The following MAP3K15 variants were observed in gnomAD, a reference collection of about 807,000 sequenced individuals.
MAP3K15 encodes the protein MAPK/ERK kinase kinase 15.
A neutral mutation model predicts 99.5 loss-of-function variants in MAP3K15; 124 were observed. The ratio of observed to expected loss-of-function variants is 1.25; its 90% CI spans 1.08 to 1.45. The LOEUF (loss-of-function observed/expected upper bound fraction) is 1.45. Ranked by LOEUF, MAP3K15 falls within the 40% of genes most tolerant of loss-of-function variation. MAP3K15 has a pLI of 0.00. For missense variants in MAP3K15, 1,242 were observed against 1,079.7 expected, an observed-to-expected ratio of 1.15 and a Z score of -2.11; for synonymous variants, 494 against 439.6, an observed-to-expected ratio of 1.12 and a Z score of -1.55.
intron 1 of MAP3K15, among the ~76,000 whole-genome samples, chrX:19,514,038 C>T (rs765250473): frequency 9.0e-6 from 1 of 111,437 alleles, no homozygotes; most frequent in Admixed American, 9.6e-5. Context: ...GGTGGTGGCT[C>T]ACACTCCACC....
intron 18 of MAP3K15, among the ~76,000 whole-genome samples, chrX:19,386,587 C>A (rs1028619629): frequency 2.7e-5 from 3 of 111,442 alleles, no homozygotes; most frequent in Non-Finnish European, 5.7e-5. Context: ...TAGGTACCTA[C>A]ACCAGTGCAG....
chrX:19,502,485 C>T (rs2064447063), intron 1 of MAP3K15, among the ~76,000 whole-genome samples: 1 of 111,334 alleles, frequency 9.0e-6, no homozygotes, highest in Admixed American at 9.6e-5. Flanking sequence ...TTTTAAGTTT[C>T]CTAAGCCCTC....
intron 1 of MAP3K15, among the ~76,000 whole-genome samples, chrX:19,513,755 G>C (rs1040833764): frequency 4.5e-5 from 5 of 111,589 alleles, no homozygotes; most frequent in African/African-American, 1.6e-4. Context: ...TGAGGCACAA[G>C]GACTCCCAGG....
chrX:19,497,528 T>A, intron 1 of MAP3K15: 1 of 112,003 alleles, frequency 8.9e-6, no homozygotes, highest in Non-Finnish European at 1.9e-5. Flanking sequence ...TGAGAGCCAA[T>A]GACAATCATT....
intron 3 of MAP3K15, among the ~76,000 whole-genome samples, chrX:19,484,867 T>C (rs945027189): frequency 6.3e-5 from 7 of 111,784 alleles, no homozygotes; most frequent in Non-Finnish European, 1.3e-4. Flanking sequence ...TCTCATTTTA[T>C]TGCTGAGGAT....
Position 19,425,580 on chromosome X carries a change from T to C in MAP3K15, c.1390A>G (p.Lys464Glu), listed in dbSNP as rs1183943878. The C allele has an allele frequency of 8.3e-7, 1 of 1,199,545 alleles. No individual in the cohort carries two copies. Among genetic ancestry groups the C allele is most frequent in the Non-Finnish European group, 1.1e-6 (1 of 894,728 alleles). ...SVSMLAHDVG[K>E]AVQAAERLFK... ...AACCTCTCTGCTGCCTGGACGGCTT[T>C]CCCGACATCATGGGCCAGCATGCTG... The change falls in exon 9 of 29, where the codon AAA becomes GAA. Residue 464 changes from lysine (K) to glutamate (E), a missense_variant. Coordinates refer to ENST00000338883, the MANE Select transcript of MAP3K15 (RefSeq NM_001001671.4).
chrX:19,431,233 G>A (rs963309038), intron 7 of MAP3K15, among the ~76,000 whole-genome samples: 2 of 111,595 alleles, frequency 1.8e-5, no homozygotes, highest in African/African-American at 6.5e-5. Context: ...GTACCTGTGG[G>A]AAGAGTGTGA....
intron 9 of MAP3K15, among the ~76,000 whole-genome samples, 174 bp downstream of exon 9, chrX:19,425,357 A>T (rs952336736): frequency 3.6e-5 from 4 of 111,968 alleles, no homozygotes; most frequent in Admixed American, 9.5e-5. Flanking sequence ...TTCTGTGTGG[A>T]TCTGTCTTTC....
At chrX:19,396,552 T>G (rs2063568891) in intron 15 of MAP3K15, among the ~76,000 whole-genome samples, 1 of 112,429 alleles carries the variant, frequency 8.9e-6, no homozygotes, top group Non-Finnish European at 1.9e-5. Context: ...ATTTTCTTAT[T>G]GGTGAAATGA....
rs898263736 is a variant in MAP3K15, at chrX:19,360,138, A to C, written c.*611T>G. ...ACTTTTGTAATCATTCCAATTTTGT[A>C]ATCATTTCAAAGGCCACATAACTTA... On this transcript the variant is annotated 3_prime_UTR_variant, in exon 29 of 29. Transcript: ENST00000338883. 15 of 155,290 alleles carry C rather than the reference A, an allele frequency of 9.7e-5. No individual in the cohort carries two copies. The highest frequency in any genetic ancestry group is 4.7e-4 in the African/African-American group (15 of 31,823). The allele number at this position is 155,290 out of a possible 1,213,427, so 12.8% of individuals were successfully genotyped here. A position where few individuals can be genotyped will look rare whatever the true frequency, so the allele number is the denominator to read the frequency against.
At chrX:19,410,091 C>A (rs949248682) in intron 11 of MAP3K15, 118 bp from the exon 12 acceptor site, 4 of 517,827 alleles carry the variant, frequency 7.7e-6, no homozygotes, top group Non-Finnish European at 3.3e-6. Context: ...GATTTTTTTA[C>A]GGGTTACAGC....
At chrX:19,431,717 G>T in intron 6 of MAP3K15, 109 bp from the exon 7 acceptor site, 3 of 618,774 alleles carry the variant, frequency 4.8e-6, no homozygotes, top group South Asian at 3.5e-5. Flanking sequence ...AGGCCGAAGC[G>T]GGTAGATCAT....
At chrX:19,484,768 T>C (rs1468711301) in intron 3 of MAP3K15, among the ~76,000 whole-genome samples, 1 of 112,375 alleles carries the variant, frequency 8.9e-6, no homozygotes, top group African/African-American at 3.2e-5. Context: ...TAAATCCAGG[T>C]TACATCTTTT....
intron 6 of MAP3K15, among the ~76,000 whole-genome samples, chrX:19,444,383 C>G (rs1297770571): frequency 9.0e-6 from 1 of 111,604 alleles, no homozygotes; most frequent in Non-Finnish European, 1.9e-5. Flanking sequence ...GGAGAGTTTT[C>G]TCTCTACAGT....
rs185197108 is a variant in MAP3K15, at chrX:19,480,060, G to C, written c.525+6422C>G. On this transcript the variant is annotated intron_variant, in intron 3 of 28. Coordinates refer to ENST00000338883, the MANE Select transcript of MAP3K15 (RefSeq NM_001001671.4). ...AGTATCCAAAAGAATAAAATACACA[G>C]GAGTAAGTGTAACCAAGAAAGTGAA... Among the ~76,000 whole-genome samples the C allele has an allele frequency of 3.6e-5, 4 of 111,721 alleles. No individual in the cohort carries two copies. The Admixed American group carries it at 3.8e-4, about 11-fold the overall frequency.
At chrX:19,462,110 T>C (rs1248293314) in intron 4 of MAP3K15, among the ~76,000 whole-genome samples, 2 of 110,797 alleles carry the variant, frequency 1.8e-5, no homozygotes. Context: ...GTAAGCTAAA[T>C]TTAATAATAG....
At chrX:19,493,697 C>A (rs946111827) in intron 1 of MAP3K15, among the ~76,000 whole-genome samples, 3 of 111,691 alleles carry the variant, frequency 2.7e-5, no homozygotes, top group African/African-American at 9.8e-5. Context: ...ACAGACTTCT[C>A]AGTTGAATTT....
rs149824439 is a variant in MAP3K15 at position 19,389,786 on chromosome X, C to T, written c.2431+2216G>A. Among the ~76,000 whole-genome samples the T allele has an allele frequency of 6.9e-3, 768 of 111,630 alleles. 4 individuals are homozygous for T. Among genetic ancestry groups the T allele is most frequent in the Middle Eastern group, 0.019 (4 of 216 alleles). On this transcript the variant is annotated intron_variant, in intron 18 of 28. Transcript: ENST00000338883. Reference sequence around the variant, plus strand: ...AATAACTCCTTGTCATATCAGAGCCCCTCTTGCTATGTATTGCCAAGCTAA... The same window carrying T: ...AATAACTCCTTGTCATATCAGAGCCTCTCTTGCTATGTATTGCCAAGCTAA...
In MAP3K15 at chrX:19,424,334, T is replaced by A. The variant is rs750601046; in HGVS notation, c.1439+1197A>T. Among the ~76,000 whole-genome samples the A allele has an allele frequency of 3.2e-3, 304 of 94,531 alleles. 1 individual carries two copies. Among genetic ancestry groups the A allele is most frequent in the Middle Eastern group, 5.2e-3 (1 of 194 alleles). The allele number at this position is 94,531 out of a possible 115,157, so 82.1% of individuals were successfully genotyped here. A position where few individuals can be genotyped will look rare whatever the true frequency, so the allele number is the denominator to read the frequency against. Reference sequence around the variant, plus strand: ...CATATATATACATATATATATATATTTTTTTATGCTTTAAGTTCTAGGGTA... The same window carrying A: ...CATATATATACATATATATATATATATTTTTATGCTTTAAGTTCTAGGGTA... On this transcript the variant is annotated intron_variant, in intron 9 of 28. Transcript: ENST00000338883.
Sources: gnomAD v4.1 joint callset for allele counts (sites outside exome capture counted in the v4.1 genomes callset) on GRCh38, gnomAD v4.1.1 for gene constraint, MANE v1.5 for transcripts, NCBI Gene and HGNC (gene_info 2026-07-23, HGNC 2026-07-21) for gene names.